The following ATG7 variants were observed in gnomAD, a reference collection of about 807,000 sequenced individuals.
The protein encoded by ATG7 is autophagy related 7, also known as ubiquitin-like modifier-activating enzyme ATG7.
In ATG7, 70 loss-of-function variants were observed where a neutral mutation model predicts 82.4. That is an observed-to-expected ratio of 0.85 (90% confidence interval 0.70 to 1.04). The LOEUF is 1.04. ATG7 is among the 50% of genes least tolerant of loss of function. ATG7 has a pLI of 0.00. For missense variants in ATG7, 792 were observed against 864.3 expected (o/e 0.92, Z 1.05); for synonymous variants, 287 against 313.0 (o/e 0.92, Z 0.88).
chr3:11,558,467 CCCCCAT>C (rs2072638066), downstream of ATG7: 5 of 1,290,334 alleles, frequency 3.9e-6, no homozygotes, highest in Admixed American at 9.5e-5. Context: ...CCCCACCCCA[CCCCCAT>C]GATTTTTTTT....
chr3:11,546,241 G>A (rs1385991510), intron 20 of ATG7, among the ~76,000 whole-genome samples: 1 of 135,008 alleles, frequency 7.4e-6, no homozygotes, highest in East Asian at 2.1e-4. Context: ...GCGTAATCTC[G>A]GTTCACTGCA....
rs529081214 is a variant in ATG7 at position 11,365,512 on chromosome 3, A to AT, written c.1875+787dup. On this transcript the variant is annotated intron_variant, in intron 18 of 20. Coordinates refer to ENST00000693202, the MANE Select transcript of ATG7 (RefSeq NM_001349232.2). Reference sequence around the variant, plus strand: ...GGTTTTCCAGTCTTATTTGGAAATCATTTTTTTTTAGATTCCATGTATGTA... The same window carrying AT: ...GGTTTTCCAGTCTTATTTGGAAATCATTTTTTTTTTAGATTCCATGTATGTA... 5.4e-3 allele frequency among the ~76,000 whole-genome samples: 817 copies of AT among 151,172 alleles called. 10 individuals carry two copies. Among genetic ancestry groups the AT allele is most frequent in the Non-Finnish European group, 6.5e-3 (443 of 67,684 alleles).
chr3:11,473,132 C>T (rs987533630), intron 20 of ATG7, among the ~76,000 whole-genome samples: 1 of 152,168 alleles, frequency 6.6e-6, no homozygotes, highest in Non-Finnish European at 1.5e-5. Context: ...ATTTGCAGCT[C>T]CCTCTTATAT....
intron 5 of ATG7, among the ~76,000 whole-genome samples, chr3:11,302,144 G>A (rs1448753420): frequency 6.6e-6 from 1 of 152,236 alleles, no homozygotes; most frequent in Non-Finnish European, 1.5e-5. Context: ...TCCCCATTGT[G>A]TGAAAATAGC....
chr3:11,539,780 C>T (rs1247865597), intron 20 of ATG7, among the ~76,000 whole-genome samples: 1 of 152,208 alleles, frequency 6.6e-6, no homozygotes, highest in Non-Finnish European at 1.5e-5. Flanking sequence ...CATTTCTGAG[C>T]TTTGAGAAAC....
At chr3:11,324,264 TA>T (rs1381994662) in intron 9 of ATG7, among the ~76,000 whole-genome samples, 1 of 152,250 alleles carries the variant, frequency 6.6e-6, no homozygotes, top group Non-Finnish European at 1.5e-5. Context: ...AAATATTTTT[TA>T]AAAAATTCTG....
At chr3:11,485,860 G>A (rs1026627864) in intron 20 of ATG7, among the ~76,000 whole-genome samples, 8 of 151,988 alleles carry the variant, frequency 5.3e-5, no homozygotes, top group African/African-American at 7.2e-5. Flanking sequence ...GTAGATATGC[G>A]ACGTTATTTC....
In ATG7 at chr3:11,315,304, G is replaced by T. The variant is rs557578800; in HGVS notation, c.529-40G>T. 1.2e-5 allele frequency: 17 copies of T among 1,473,152 alleles called. No individual in the cohort carries two copies. The East Asian group carries it at 4.2e-4, about 36-fold the overall frequency. 91.3% of individuals were successfully genotyped at this position (1,473,152 alleles called of 1,614,324 possible). ...TAGTTTTTAGCCCAGAACTAGAAAT[G>T]TAATTTTCTAGAGAATAACAACGTG... On this transcript the variant is annotated intron_variant, in intron 8 of 20. Transcript: ENST00000693202.
chr3:11,486,052 T>A (rs530956277), intron 20 of ATG7, among the ~76,000 whole-genome samples: 450 of 152,280 alleles, frequency 3.0e-3, no homozygotes, highest in Non-Finnish European at 5.5e-3. Flanking sequence ...TATGAACTTT[T>A]AAGTAGTTTT....
intron 19 of ATG7, among the ~76,000 whole-genome samples, chr3:11,388,218 G>C (rs180766678): frequency 6.6e-5 from 10 of 152,182 alleles, no homozygotes; most frequent in East Asian, 5.8e-4. Context: ...AGATGCAGGG[G>C]CTGATTTACC....
At chr3:11,376,254 T>C (rs1315983964) in intron 18 of ATG7, among the ~76,000 whole-genome samples, 1 of 152,120 alleles carries the variant, frequency 6.6e-6, no homozygotes, top group Admixed American at 6.5e-5. Flanking sequence ...AATTAGATAG[T>C]GATGATGGTT....
At chr3:11,570,383 T>G in the ATG7 span, among the ~76,000 whole-genome samples, 1 of 152,210 alleles carries the variant, frequency 6.6e-6, no homozygotes, top group East Asian at 1.9e-4. Context: ...CACCAAGGTC[T>G]GTCCCCGGAC....
chr3:11,479,061 T>G lies in ATG7; in HGVS notation c.2079+52135T>G, dbSNP rs143748911. 3.9e-3 allele frequency among the ~76,000 whole-genome samples: 586 copies of G among 150,364 alleles called. 3 individuals carry two copies. Among genetic ancestry groups the G allele is most frequent in the African/African-American group, 0.013 (533 of 40,956 alleles). Reference sequence around the variant, plus strand: ...ACACAATTTTTTACTTTGTGGATACTGGCCACCACTTGAAGAGTTTCTTGG... The same window carrying G: ...ACACAATTTTTTACTTTGTGGATACGGGCCACCACTTGAAGAGTTTCTTGG... On this transcript the variant is annotated intron_variant, in intron 20 of 20. Transcript: ENST00000693202.
chr3:11,559,210 A>C (rs1404528957), downstream of ATG7: 3 of 1,417,674 alleles, frequency 2.1e-6, no homozygotes, highest in Non-Finnish European at 2.8e-6. Context: ...CTCAAGAAAT[A>C]CTTTTTCAAC....
At chr3:11,372,147 A>G (rs570927982) in intron 18 of ATG7, among the ~76,000 whole-genome samples, 3 of 151,416 alleles carry the variant, frequency 2.0e-5, no homozygotes. Context: ...ATTTCCACTC[A>G]AAGTGCTTGG....
chr3:11,540,470 C>T (rs1391221182), intron 20 of ATG7, among the ~76,000 whole-genome samples: 3 of 48,814 alleles, frequency 6.1e-5, no homozygotes, highest in Non-Finnish European at 1.1e-4. Context: ...AAGACCCTAT[C>T]TCTATAAAAA....
intron 20 of ATG7, among the ~76,000 whole-genome samples, chr3:11,466,966 C>G (rs900562201): frequency 1.3e-5 from 2 of 151,942 alleles, no homozygotes; most frequent in African/African-American, 4.8e-5. Flanking sequence ...CCCATCTCTA[C>G]AAATACAAAA....
chr3:11,340,977 T>C (rs918362296), intron 12 of ATG7, among the ~76,000 whole-genome samples: 6 of 152,244 alleles, frequency 3.9e-5, no homozygotes, highest in Non-Finnish European at 5.9e-5. Context: ...TTAAAGCTCA[T>C]GCTCTCAGAC....
chr3:11,398,341 T>G (rs567751471), intron 19 of ATG7, among the ~76,000 whole-genome samples: 4 of 152,272 alleles, frequency 2.6e-5, no homozygotes, highest in Admixed American at 6.5e-5. Context: ...TAAACAAGTT[T>G]CAACGAATTT....
Sources: gnomAD v4.1 joint callset for allele counts (sites outside exome capture counted in the v4.1 genomes callset) on GRCh38, gnomAD v4.1.1 for gene constraint, MANE v1.5 for transcripts, NCBI Gene and HGNC (gene_info 2026-07-23, HGNC 2026-07-21) for gene names.